Variants in URB2 observed in about 807,000 individuals in gnomAD.
URB2 encodes URB2 ribosome biogenesis homolog, also known as unhealthy ribosome biogenesis protein 2 homolog.
In URB2, 86 loss-of-function variants were observed where a neutral mutation model predicts 120.9. The observed-to-expected ratio is 0.71, with a 90% CI of 0.60 to 0.85. The LOEUF (loss-of-function observed/expected upper bound fraction) is 0.85, where lower values mean the gene tolerates loss of function less well. URB2 is among the 40% of genes least tolerant of loss of function. The pLI, the probability that URB2 is intolerant of heterozygous loss-of-function variation, is 0.00. For synonymous variants in URB2, 755 were observed against 758.4 expected, an observed-to-expected ratio of 1.00 and a Z score of 0.07; for missense variants, 1,765 against 1,836.5, an observed-to-expected ratio of 0.96 and a Z score of 0.71.
In URB2 at chr1:229,635,402, A is replaced by G; in HGVS notation, c.789A>G (p.Gln263=). ...AGGAGGGGCTCTTGGACCAGCAGCA[A>G]GGGGATGTGAAGACGGGAGCCATGA... is the stretch of plus-strand genomic sequence containing the variant. ...SYKEGLLDQQ[Q]GDVKTGAMKN... is the part of the protein sequence containing the mutation. The change falls in exon 4 of 10, where the codon CAA becomes CAG. Residue 263 remains glutamine, a synonymous_variant. Transcript: ENST00000258243. 6.2e-7 allele frequency: 1 copy of G among 1,614,080 alleles called. No homozygotes were observed. The highest frequency in any genetic ancestry group is 8.5e-7 in the Non-Finnish European group (1 of 1,180,000).
intron 2 of URB2, among the ~76,000 whole-genome samples, chr1:229,630,314 A>G (rs1665626757): frequency 6.6e-6 from 1 of 152,248 alleles, no homozygotes; most frequent in Non-Finnish European, 1.5e-5. Context: ...CTCCTTGATC[A>G]TGGGTTGCAG....
At position 229,636,075 on chromosome 1, in the gene URB2, C is replaced by G; in HGVS notation, c.1462C>G (p.Pro488Ala). ...CRPAAEALRQ[P>A]VLASGPSTVL... is the part of the protein sequence containing the mutation. ...TCCAGCTGCTGAGGCACTGAGGCAG[C>G]CTGTGCTGGCCTCGGGCCCCTCCAC... is the stretch of plus-strand genomic sequence containing the variant. Residue 488 changes from proline (P) to alanine (A), a missense_variant, in exon 4 of 10, where the codon CCT becomes GCT. Physicochemically the swap from Pro to Ala is conservative, Grantham distance 27. Coordinates refer to ENST00000258243, the MANE Select transcript of URB2 (RefSeq NM_014777.4). The G allele has an allele frequency of 6.2e-7, 1 of 1,614,240 alleles. No individual in the cohort carries two copies. The highest frequency in any genetic ancestry group is 1.1e-5 in the South Asian group (1 of 91,088).
intron 6 of URB2, 27 bp downstream of exon 6, chr1:229,645,996 C>G (rs764007179): frequency 1.2e-6 from 2 of 1,602,802 alleles, no homozygotes; most frequent in Admixed American, 1.7e-5. Context: ...GATGTGTCCT[C>G]TAGCTCCTCC....
chr1:229,659,795 A>G lies in URB2; in HGVS notation c.*498A>G, dbSNP rs1354094762. On this transcript the variant is annotated 3_prime_UTR_variant, in exon 10 of 10. Coordinates refer to ENST00000258243, the MANE Select transcript of URB2 (RefSeq NM_014777.4). ...TCTAAGTATGCTTTCTGAAGAAGTC[A>G]GGGAAAGTTAGAGTCTGTGGCCTGA... The G allele has an allele frequency of 6.5e-6, 1 of 153,774 alleles. No individual in the cohort carries two copies. The highest frequency in any genetic ancestry group is 2.4e-5 in the African/African-American group (1 of 41,442). 9.5% of individuals were successfully genotyped at this position (153,774 alleles called of 1,614,324 possible).
At chr1:229,643,419 CT>C in intron 4 of URB2, 113 bp from the exon 5 acceptor site, 1 of 1,242,812 alleles carries the variant, frequency 8.0e-7, no homozygotes, top group Non-Finnish European at 1.1e-6. Flanking sequence ...CACCATGCCC[CT>C]AACTTGGTGA....
chr1:229,643,262 T>C (rs781460452), intron 4 of URB2, among the ~76,000 whole-genome samples: 2 of 152,226 alleles, frequency 1.3e-5, no homozygotes, highest in Non-Finnish European at 2.9e-5. Flanking sequence ...ATAATCACTG[T>C]CTTCTGTGGT....
At position 229,644,554 on chromosome 1, in the gene URB2, G is replaced by A. The variant is rs558948453; in HGVS notation, c.3795+861G>A. On this transcript the variant is annotated intron_variant, in intron 5 of 9. Transcript: ENST00000258243. The stretch of plus-strand genomic sequence containing the variant: ...CAGGCAGCGTGTTGGGCTGCCAGGA[G>A]CAGGGGATGTGCAAGAGTGAGAAGA... Among the ~76,000 whole-genome samples, 6 of 152,326 alleles carry A rather than the reference G, an allele frequency of 3.9e-5. No individual in the cohort carries two copies. In the South Asian group the frequency reaches 1.0e-3, roughly 26 times the overall value.
rs2102782097 is a variant in URB2 at position 229,633,828 on chromosome 1, TGC to T, written c.304-1088_304-1087del. On this transcript the variant is annotated intron_variant, in intron 3 of 9. Coordinates refer to ENST00000258243, the MANE Select transcript of URB2 (RefSeq NM_014777.4). ...TAATAAGCAGTAGCAACATAACATT[TGC>T]TTTCCTTTTTAAAAAATTTTTTTGA... 3.9e-5 allele frequency among the ~76,000 whole-genome samples: 6 copies of T among 152,294 alleles called. 1 individual carries two copies. The highest frequency in any genetic ancestry group is 3.9e-4 in the Admixed American group (6 of 15,300).
chr1:229,651,333 G>A lies in URB2; in HGVS notation c.4237+11G>A. 6.2e-7 allele frequency: 1 copy of A among 1,608,800 alleles called. No homozygotes were observed. Among genetic ancestry groups the A allele is most frequent in the Middle Eastern group, 1.7e-4 (1 of 6,032 alleles). Reference sequence around the variant, plus strand: ...GGCAGAAGGACAAAGGTAATTTGGAGTAACATCAGACACAGTTTCAAATAT... The same window carrying A: ...GGCAGAAGGACAAAGGTAATTTGGAATAACATCAGACACAGTTTCAAATAT... On this transcript the variant is annotated intron_variant, in intron 8 of 9. Coordinates refer to ENST00000258243, the MANE Select transcript of URB2 (RefSeq NM_014777.4).
chr1:229,628,894 G>A (rs1458354918), intron 2 of URB2, among the ~76,000 whole-genome samples: 1 of 152,232 alleles, frequency 6.6e-6, no homozygotes, highest in Non-Finnish European at 1.5e-5. Context: ...GACGTGTGGT[G>A]TGGAGAGCAG....
intron 4 of URB2, among the ~76,000 whole-genome samples, chr1:229,642,396 G>C (rs1476972860): frequency 6.6e-6 from 1 of 152,166 alleles, no homozygotes; most frequent in Non-Finnish European, 1.5e-5. Context: ...ACAGCTTGTG[G>C]GAGACTTGGA....
rs751410639 is a variant in URB2, at chr1:229,634,952, G to C, written c.339G>C (p.Ser113=). Reference sequence around the variant, plus strand: ...AGAGAGTAGCTGAGTTCTCTCTTTCGGGATCCCAAAGAAACATCTGTGCTG... The same window carrying C: ...AGAGAGTAGCTGAGTTCTCTCTTTCCGGATCCCAAAGAAACATCTGTGCTG... The part of the protein sequence containing the change: ...INERVAEFSL[S]GSQRNICAVL... The change falls in exon 4 of 10, where the codon TCG becomes TCC. Residue 113 remains serine, a synonymous_variant. Transcript: ENST00000258243. The C allele has an allele frequency of 1.3e-6, 2 of 1,542,210 alleles. No individual in the cohort carries two copies. The highest frequency in any genetic ancestry group is 8.7e-7 in the Non-Finnish European group (1 of 1,144,528).
chr1:229,647,730 C>G lies in URB2; in HGVS notation c.4127C>G (p.Ser1376Ter). The change falls in exon 7 of 10, where the codon TCA (serine) becomes TGA (stop). Residue 1376 changes from serine to a stop codon, truncating the protein, a stop_gained. Transcript: ENST00000258243. LOFTEE classifies it high-confidence loss of function. ...VFPRLHNVLF[S>*]ILQCHPKVML... ...CCGAGGCTGCACAACGTGCTCTTCT[C>G]AATCCTGCAGTGTCACCCTAAGGTG... 6.2e-7 allele frequency: 1 copy of G among 1,613,920 alleles called. No individual in the cohort carries two copies. The highest frequency in any genetic ancestry group is 1.1e-5 in the South Asian group (1 of 91,068).
chr1:229,659,193 G>C lies in URB2; in HGVS notation c.4471G>C (p.Ala1491Pro), dbSNP rs1171681117. 5.0e-6 allele frequency: 8 copies of C among 1,613,728 alleles called. No individual in the cohort carries two copies. The African/African-American group carries it at 8.0e-5, about 16-fold the overall frequency. ...CIEPDVQFLR[A>P]SLQPGMRDIF... The stretch of plus-strand genomic sequence containing the variant: ...CGAGCCTGACGTCCAGTTCCTGCGG[G>C]CCTCGCTGCAGCCGGGAATGAGAGA... The change falls in exon 10 of 10, where the codon GCC (alanine) becomes CCC (proline). Residue 1491 changes from alanine (A) to proline (P), a missense_variant. Transcript: ENST00000258243.
At chr1:229,640,987 C>T (rs1665994757) in intron 4 of URB2, among the ~76,000 whole-genome samples, 1 of 151,546 alleles carries the variant, frequency 6.6e-6, no homozygotes, top group Admixed American at 6.6e-5. Context: ...TCCTCTTCAA[C>T]CCTACTGAGT....
chr1:229,631,002 A>G (rs939937897), intron 2 of URB2, among the ~76,000 whole-genome samples: 2 of 151,018 alleles, frequency 1.3e-5, no homozygotes, highest in Admixed American at 6.6e-5. Context: ...AAAAAAAAAA[A>G]AAAGAAAGTC....
At chr1:229,628,558 G>T (rs542692037) in intron 2 of URB2, among the ~76,000 whole-genome samples, 2 of 152,298 alleles carry the variant, frequency 1.3e-5, no homozygotes, top group South Asian at 4.1e-4. Context: ...ATTGATAGCT[G>T]CATTTGCTTA....
At chr1:229,652,846 A>G (rs981461978) in intron 8 of URB2, among the ~76,000 whole-genome samples, 2 of 152,270 alleles carry the variant, frequency 1.3e-5, no homozygotes, top group Non-Finnish European at 2.9e-5. Context: ...TATTTGAGGA[A>G]GCACAGGAGC....
rs114023508 is a variant in URB2, at chr1:229,638,117, C to T, written c.3504C>T (p.Leu1168=). The T allele has an allele frequency of 2.5e-4, 406 of 1,614,226 alleles. No individual in the cohort carries two copies. The African/African-American group carries it at 4.7e-3, about 19-fold the overall frequency. The change falls in exon 4 of 10, where the codon CTC becomes CTT. Residue 1168 remains leucine (L), a synonymous_variant. Coordinates refer to ENST00000258243, the MANE Select transcript of URB2 (RefSeq NM_014777.4). ...AGATACTGTTGGAGTTGCCAGCTCT[C>T]GCGGGACATGATCAGTCTTTTCAGG... The part of the protein sequence containing the change: ...YSQILLELPA[L]AGHDQSFQAA...
Sources: allele counts gnomAD v4.1 joint callset (sites outside exome capture counted in the v4.1 genomes callset), GRCh38; gene constraint gnomAD v4.1.1; transcripts MANE v1.5; gene names NCBI Gene and HGNC (gene_info 2026-07-23, HGNC 2026-07-21).